The following KCND2 variants were observed in gnomAD, a reference collection of about 807,000 sequenced individuals.
KCND2 encodes the protein potassium voltage-gated channel subfamily D member 2.
Under a neutral mutation model 54.4 loss-of-function variants are expected in KCND2, and 16 were observed. The observed-to-expected ratio is 0.29, with a 90% CI of 0.20 to 0.45. The LOEUF (loss-of-function observed/expected upper bound fraction) is 0.45, where lower values mean the gene tolerates loss of function less well. Among genes scored for constraint, KCND2 ranks in the 20% least tolerant of loss-of-function variants. The pLI is 1.00. For missense variants in KCND2, 486 were observed against 824.2 expected (o/e 0.59, Z 5.02); for synonymous variants, 317 against 310.7 (o/e 1.02, Z -0.21).
intron 1 of KCND2, among the ~76,000 whole-genome samples, chr7:120,647,727 T>C (rs539832711): frequency 2.4e-4 from 36 of 152,338 alleles, no homozygotes; most frequent in African/African-American, 8.2e-4. Flanking sequence ...AAATTAACTT[T>C]GCCGTAAGTT....
intron 1 of KCND2, among the ~76,000 whole-genome samples, chr7:120,483,500 A>G (rs1802636221): frequency 6.6e-6 from 1 of 152,234 alleles, no homozygotes; most frequent in African/African-American, 2.4e-5. Flanking sequence ...AAGAGAAATC[A>G]GAAGCTAAAA....
chr7:120,367,756 G>T (rs1319404282), intron 1 of KCND2, among the ~76,000 whole-genome samples: 1 of 151,776 alleles, frequency 6.6e-6, no homozygotes, highest in African/African-American at 2.4e-5. Flanking sequence ...AGCTTGTAGT[G>T]TCAATTAGTT....
chr7:120,460,123 G>C (rs1802262664), intron 1 of KCND2, among the ~76,000 whole-genome samples: 1 of 151,868 alleles, frequency 6.6e-6, no homozygotes, highest in African/African-American at 2.4e-5. Flanking sequence ...TATATTCTAG[G>C]GTACCAACTT....
chr7:120,357,516 A>T (rs1800523829), intron 1 of KCND2, among the ~76,000 whole-genome samples: 2 of 152,166 alleles, frequency 1.3e-5, no homozygotes, highest in Non-Finnish European at 2.9e-5. Flanking sequence ...ATGTTATTGC[A>T]ATAAATAAAC....
chr7:120,325,113 G>A (rs538435266), intron 1 of KCND2, among the ~76,000 whole-genome samples: 2 of 146,958 alleles, frequency 1.4e-5, no homozygotes, highest in Non-Finnish European at 3.0e-5. Context: ...TCTGTTGTTG[G>A]TGTATAAGAA....
chr7:120,744,102 A>G (rs1365317807), intron 4 of KCND2, among the ~76,000 whole-genome samples: 1 of 152,106 alleles, frequency 6.6e-6, no homozygotes, highest in Non-Finnish European at 1.5e-5. Flanking sequence ...TCTACTAAAA[A>G]TACAAAAAAA....
intron 1 of KCND2, among the ~76,000 whole-genome samples, chr7:120,383,706 G>T (rs982075645): frequency 1.3e-5 from 2 of 152,084 alleles, no homozygotes; most frequent in African/African-American, 4.8e-5. Flanking sequence ...ACACATGTGT[G>T]TGAACTGGGT....
chr7:120,463,927 A>ATAGATAGATAGATAGG (rs1802325699), intron 1 of KCND2: 1 of 286,576 alleles, frequency 3.5e-6, no homozygotes, highest in African/African-American at 2.3e-5. Context: ...AGATAGATAG[A>ATAGATAGATAGATAGG]TAGATAGATA....
chr7:120,449,119 G>A (rs1802062469), intron 1 of KCND2, among the ~76,000 whole-genome samples: 1 of 151,966 alleles, frequency 6.6e-6, no homozygotes, highest in African/African-American at 2.4e-5. Flanking sequence ...CACAAGGCCA[G>A]GAGATCGAGA....
At chr7:120,630,590 A>T (rs994202576) in intron 1 of KCND2, among the ~76,000 whole-genome samples, 28 of 152,148 alleles carry the variant, frequency 1.8e-4, no homozygotes, top group African/African-American at 6.8e-4. Flanking sequence ...CATAGTTAAT[A>T]CAAATATCTA....
chr7:120,354,402 G>C (rs140193946), intron 1 of KCND2, among the ~76,000 whole-genome samples: 2 of 152,240 alleles, frequency 1.3e-5, no homozygotes, highest in African/African-American at 4.8e-5. Context: ...GTCCAATATA[G>C]GATGTTACAA....
chr7:120,749,317 A>C lies in KCND2; in HGVS notation c.*1459A>C, dbSNP rs1354732337. The C allele has an allele frequency of 6.6e-6, 1 of 152,224 alleles. No homozygotes were observed. Among genetic ancestry groups the C allele is most frequent in the Non-Finnish European group, 1.5e-5 (1 of 67,842 alleles). 9.4% of individuals were successfully genotyped at this position (152,224 alleles called of 1,614,324 possible). Reference sequence around the variant, plus strand: ...ATTTTCTCCAATAAATCAGGAGAACAGGAGTTTGATGATGCAAAGTTGATC... The same window carrying C: ...ATTTTCTCCAATAAATCAGGAGAACCGGAGTTTGATGATGCAAAGTTGATC... On this transcript the variant is annotated 3_prime_UTR_variant, in exon 6 of 6. Coordinates refer to ENST00000331113, the MANE Select transcript of KCND2 (RefSeq NM_012281.3).
intron 4 of KCND2, among the ~76,000 whole-genome samples, chr7:120,744,497 T>C (rs1735609519): frequency 6.6e-6 from 1 of 152,148 alleles, no homozygotes; most frequent in Non-Finnish European, 1.5e-5. Flanking sequence ...CCATGCATTG[T>C]AAGAGAAGGA....
chr7:120,541,254 T>C (rs1198930379), intron 1 of KCND2, among the ~76,000 whole-genome samples: 2 of 152,184 alleles, frequency 1.3e-5, no homozygotes, highest in Admixed American at 6.6e-5. Context: ...GAGAGAGAAC[T>C]CTAGCTCCTT....
chr7:120,553,460 G>T (rs1191572124), intron 1 of KCND2, among the ~76,000 whole-genome samples: 2 of 152,102 alleles, frequency 1.3e-5, no homozygotes, highest in Non-Finnish European at 2.9e-5. Context: ...CAAAATCTTG[G>T]TTATTGTGAA....
At chr7:120,332,395 A>G (rs1302752950) in intron 1 of KCND2, among the ~76,000 whole-genome samples, 1 of 152,118 alleles carries the variant, frequency 6.6e-6, no homozygotes, top group Non-Finnish European at 1.5e-5. Flanking sequence ...AAAATCAGTG[A>G]TACATTTACA....
intron 1 of KCND2, among the ~76,000 whole-genome samples, chr7:120,283,393 C>A (rs1055204585): frequency 6.6e-6 from 1 of 152,212 alleles, no homozygotes; most frequent in East Asian, 1.9e-4. Flanking sequence ...TTAAAAGGAG[C>A]AAATGCTCTA....
At chr7:120,615,463 A>G (rs892260251) in intron 1 of KCND2, among the ~76,000 whole-genome samples, 4 of 152,160 alleles carry the variant, frequency 2.6e-5, no homozygotes, top group Non-Finnish European at 5.9e-5. Flanking sequence ...GGTCAATTTT[A>G]TTACTCTTTT....
rs1413783312 is a variant in KCND2, at chr7:120,273,923, A to T, written c.-710A>T. ...GCGATTGGGCGAACGCTTTTGGCAG[A>T]CACAGAGGGTGTTTGTAGACGTGGG... On this transcript the variant is annotated 5_prime_UTR_variant, in exon 1 of 6. Coordinates refer to ENST00000331113, the MANE Select transcript of KCND2 (RefSeq NM_012281.3). 1 of 153,012 alleles carries T rather than the reference A, an allele frequency of 6.5e-6. No homozygotes were observed. Among genetic ancestry groups the T allele is most frequent in the Non-Finnish European group, 1.5e-5 (1 of 68,388 alleles). The allele number at this position is 153,012 out of a possible 1,614,324, so 9.5% of individuals were successfully genotyped here. A position where few individuals can be genotyped will look rare whatever the true frequency, so the allele number is the denominator to read the frequency against.
Sources: gnomAD v4.1 joint callset for allele counts (sites outside exome capture counted in the v4.1 genomes callset) on GRCh38, gnomAD v4.1.1 for gene constraint, MANE v1.5 for transcripts, NCBI Gene and HGNC (gene_info 2026-07-23, HGNC 2026-07-21) for gene names.